LRP1B: variants seen among roughly 807,000 people sequenced by gnomAD.
The protein encoded by LRP1B is LDL receptor related protein 1B.
A neutral mutation model predicts 556.6 loss-of-function variants in LRP1B; 217 were observed. The observed-to-expected ratio is 0.39, with a 90% CI of 0.35 to 0.44. The LOEUF (loss-of-function observed/expected upper bound fraction) is 0.44. LRP1B is among the 20% of genes least tolerant of loss of function. The pLI is 1.00. For synonymous variants in LRP1B, 2,047 were observed against 1,865.8 expected, an observed-to-expected ratio of 1.10 and a Z score of -2.50; for missense variants, 5,053 against 5,620.8, an observed-to-expected ratio of 0.90 and a Z score of 3.23.
Position 140,444,318 on chromosome 2 carries a change from G to T in LRP1B, c.10294+12C>A, listed in dbSNP as rs1391368474. On this transcript the variant is annotated intron_variant, in intron 65 of 90. Transcript: ENST00000389484. The stretch of plus-strand genomic sequence containing the variant: ...AAGTTAAGACAAGACAGAGTATTTT[G>T]AGGTGACTTACGACAGTCTCTTTCA... 2 of 1,613,480 alleles carry T rather than the reference G, an allele frequency of 1.2e-6. No individual in the cohort carries two copies. Among genetic ancestry groups the T allele is most frequent in the Non-Finnish European group, 1.7e-6 (2 of 1,179,688 alleles).
intron 1 of LRP1B, among the ~76,000 whole-genome samples, chr2:141,844,568 A>G (rs1489944481): frequency 6.6e-6 from 1 of 152,070 alleles, no homozygotes; most frequent in Admixed American, 6.6e-5. Flanking sequence ...ATTTTCAGAT[A>G]AATAAACGAG....
chr2:140,740,515 T>A (rs1289465658), intron 35 of LRP1B, among the ~76,000 whole-genome samples: 1 of 152,058 alleles, frequency 6.6e-6, no homozygotes, highest in Non-Finnish European at 1.5e-5. Context: ...GGGGGAAGGA[T>A]GGGACATGGG....
rs566697017 is a variant in LRP1B, at chr2:141,381,759, A to G, written c.343+98637T>C. Among the ~76,000 whole-genome samples the G allele has an allele frequency of 4.4e-4, 67 of 152,268 alleles. 1 individual carries two copies. Among genetic ancestry groups the G allele is most frequent in the Middle Eastern group, 3.4e-3 (1 of 294 alleles). Reference sequence around the variant, plus strand: ...TATACTCAGAGTCCTGGAAAACAAAACAAAACAAAACAAAAAACCTGCCAG... The same window carrying G: ...TATACTCAGAGTCCTGGAAAACAAAGCAAAACAAAACAAAAAACCTGCCAG... On this transcript the variant is annotated intron_variant, in intron 3 of 90. Coordinates refer to ENST00000389484, the MANE Select transcript of LRP1B (RefSeq NM_018557.3).
chr2:140,515,497 A>G (rs369303000), intron 50 of LRP1B, among the ~76,000 whole-genome samples: 4 of 152,042 alleles, frequency 2.6e-5, no homozygotes, highest in African/African-American at 4.8e-5. Flanking sequence ...TTGTCACTAG[A>G]AAACCTTCAA....
chr2:140,874,177 C>T (rs1036374847), intron 25 of LRP1B, among the ~76,000 whole-genome samples: 7 of 152,016 alleles, frequency 4.6e-5, no homozygotes, highest in African/African-American at 1.4e-4. Flanking sequence ...CTATAATGGT[C>T]TTTCTATAGA....
At chr2:140,601,965 C>T (rs953900141) in intron 41 of LRP1B, among the ~76,000 whole-genome samples, 7 of 152,032 alleles carry the variant, frequency 4.6e-5, no homozygotes, top group African/African-American at 7.2e-5. Flanking sequence ...ATCCAACGTG[C>T]AACAACTTAG....
intron 23 of LRP1B, among the ~76,000 whole-genome samples, chr2:140,890,732 A>T (rs1362642944): frequency 1.3e-5 from 2 of 152,072 alleles, no homozygotes; most frequent in Admixed American, 1.3e-4. Context: ...CTGAGAAAAT[A>T]AAGTTGTAAT....
chr2:142,072,154 G>C (rs939988683), intron 1 of LRP1B, among the ~76,000 whole-genome samples: 3 of 151,836 alleles, frequency 2.0e-5, no homozygotes, highest in African/African-American at 7.2e-5. Context: ...TTAGTTCAGC[G>C]GTTGCCTAAT....
chr2:141,280,864 A>G (rs1009183903), intron 3 of LRP1B, among the ~76,000 whole-genome samples: 1 of 151,980 alleles, frequency 6.6e-6, no homozygotes, highest in Non-Finnish European at 1.5e-5. Flanking sequence ...CTGATTAGAG[A>G]GTTTGCCAAA....
chr2:141,291,810 C>T (rs965444628), intron 3 of LRP1B, among the ~76,000 whole-genome samples: 5 of 133,154 alleles, frequency 3.8e-5, no homozygotes, highest in Middle Eastern at 4.7e-3. Context: ...GAGCAGAGAT[C>T]GCGCCACTGC....
chr2:141,005,433 T>C lies in LRP1B; in HGVS notation c.2405A>G (p.Asn802Ser). ...CAAGCAAAGTGTACTACAGCCCCCA[T>C]TATTTACTCGGCACATATTGTCACC... ...QQGDNMCRVNNGGCSTLCLAI... is the reference protein window; with the variant it reads ...QQGDNMCRVNSGGCSTLCLAI... The change falls in exon 15 of 91, where the codon AAT (asparagine) becomes AGT (serine). Residue 802 changes from asparagine to serine, a missense_variant. Physicochemically the swap from Asn to Ser is conservative, Grantham distance 46 (BLOSUM62 1). Around this residue, in one of 5 missense-constraint regions of LRP1B, gnomAD observed 3,619 missense variants for 3,931.9 expected, o/e 0.92. Transcript: ENST00000389484. 6.2e-7 allele frequency: 1 copy of C among 1,611,182 alleles called. No homozygotes were observed. The highest frequency in any genetic ancestry group is 1.3e-5 in the African/African-American group (1 of 74,882).
intron 1 of LRP1B, among the ~76,000 whole-genome samples, chr2:141,840,776 A>G (rs1468422890): frequency 1.3e-5 from 2 of 152,222 alleles, no homozygotes; most frequent in Non-Finnish European, 2.9e-5. Flanking sequence ...TTTACTGGAT[A>G]TATACCTCTC....
rs188864200 is a variant in LRP1B, at chr2:141,184,568, C to T, written c.1013+3853G>A. Among the ~76,000 whole-genome samples, 391 of 150,988 alleles carry T rather than the reference C, an allele frequency of 2.6e-3. 2 individuals carry two copies. The highest frequency in any genetic ancestry group is 0.024 in the Middle Eastern group (7 of 292). Reference sequence around the variant, plus strand: ...ATTATACCCCTTTTTTTCAATCGTGCTTCTCCACAGCTATCCACTTCATCA... The same window carrying T: ...ATTATACCCCTTTTTTTCAATCGTGTTTCTCCACAGCTATCCACTTCATCA... On this transcript the variant is annotated intron_variant, in intron 7 of 90. Transcript: ENST00000389484.
intron 55 of LRP1B, among the ~76,000 whole-genome samples, chr2:140,497,699 A>C (rs1474768402): frequency 3.3e-5 from 5 of 151,758 alleles, no homozygotes; most frequent in African/African-American, 1.2e-4. Flanking sequence ...AATTCCTCTA[A>C]AACAGTATTA....
chr2:140,277,437 A>G (rs1347739782), intron 84 of LRP1B, among the ~76,000 whole-genome samples: 1 of 151,756 alleles, frequency 6.6e-6, no homozygotes, highest in Non-Finnish European at 1.5e-5. Flanking sequence ...AATACAAAAA[A>G]TTAGCTGGAT....
chr2:140,330,436 G>T (rs756634357), intron 79 of LRP1B, among the ~76,000 whole-genome samples: 2 of 151,812 alleles, frequency 1.3e-5, no homozygotes, highest in African/African-American at 4.8e-5. Flanking sequence ...ACAACCATCT[G>T]ATTTTCAACA....
chr2:140,546,001 TGTG>T, intron 43 of LRP1B, among the ~76,000 whole-genome samples: 1 of 12,160 alleles, frequency 8.2e-5, no homozygotes, highest in East Asian at 2.6e-3. Flanking sequence ...ATTATTAGGT[TGTG>T]TGTGTGTGTG....
At chr2:140,676,626 C>G (rs1272107816) in intron 41 of LRP1B, among the ~76,000 whole-genome samples, 2 of 152,086 alleles carry the variant, frequency 1.3e-5, no homozygotes, top group Non-Finnish European at 2.9e-5. Flanking sequence ...AGATTAAGAA[C>G]AGGAGGAGAA....
intron 25 of LRP1B, among the ~76,000 whole-genome samples, chr2:140,872,295 C>T (rs1369874682): frequency 2.0e-5 from 3 of 146,892 alleles, no homozygotes; most frequent in African/African-American, 7.6e-5. Flanking sequence ...TACAGAATCT[C>T]AAGAGTGTGA....
Sources: gnomAD v4.1 joint callset for allele counts (sites outside exome capture counted in the v4.1 genomes callset) on GRCh38, gnomAD v4.1.1 for gene constraint, gnomAD v4.1.1 regional missense constraint, MANE v1.5 for transcripts, NCBI Gene and HGNC (gene_info 2026-07-23, HGNC 2026-07-21) for gene names.